Variants in ZNF462 observed in about 807,000 individuals in gnomAD.
The protein encoded by ZNF462 is zinc finger PBX1-interacting protein.
Under a neutral mutation model 201.9 loss-of-function variants are expected in ZNF462, and 10 were observed. That is an observed-to-expected ratio of 0.05 (90% CI 0.03 to 0.08). The LOEUF is 0.08. Ranked by LOEUF, ZNF462 falls within the 10% of genes least tolerant of loss-of-function variation. The pLI is 1.00. For synonymous variants in ZNF462, 1,227 were observed against 1,193.3 expected (o/e 1.03, Z -0.58); for missense variants, 2,523 against 3,168.3 (o/e 0.80, Z 4.89).
chr9:107,009,747 C>T lies in ZNF462; in HGVS notation c.7313+79C>T, dbSNP rs1232460792. 6.3e-7 allele frequency: 1 copy of T among 1,586,260 alleles called. No homozygotes were observed. The highest frequency in any genetic ancestry group is 2.3e-5 in the East Asian group (1 of 44,334). On this transcript the variant is annotated intron_variant, in intron 12 of 12. Transcript: ENST00000277225. The surrounding 1 kb of genome is among the most constrained non-coding windows in gnomAD (Gnocchi z 6.1). ...AGGGAGGGGCTCTTGTTTTGGTTCC[C>T]CTGACAGTATGTACACCCCTCTGTG... is the stretch of plus-strand genomic sequence containing the variant.
chr9:106,921,650 GTGCACACTGGATGATC>G (rs1829997127), intron 1 of ZNF462, among the ~76,000 whole-genome samples: 1 of 152,232 alleles, frequency 6.6e-6, no homozygotes, highest in Non-Finnish European at 1.5e-5. Context: ...GGGATGGGGA[GTGCACACTGGATGATC>G]TGCTTTTTTC....
Position 106,950,055 on chromosome 9 carries a change from G to A in ZNF462, c.6427+10948G>A, listed in dbSNP as rs1232196993. 6.6e-6 allele frequency among the ~76,000 whole-genome samples: 1 copy of A among 152,056 alleles called. No homozygotes were observed. The highest frequency in any genetic ancestry group is 1.5e-5 in the Non-Finnish European group (1 of 68,008). On this transcript the variant is annotated intron_variant, in intron 7 of 12. Coordinates refer to ENST00000277225, the MANE Select transcript of ZNF462 (RefSeq NM_021224.6). The surrounding 1 kb of genome is among the most constrained non-coding windows in gnomAD (Gnocchi z 4.1). ...TTTCTCCAGCATCCTGGTTTCTCTC[G>A]TCCCCTCGTCCTCTGGTTTCCAACT...
intron 1 of ZNF462, among the ~76,000 whole-genome samples, chr9:106,915,355 TAA>T (rs1829728825): frequency 6.6e-6 from 1 of 152,204 alleles, no homozygotes; most frequent in African/African-American, 2.4e-5. Flanking sequence ...CACCTGGTAA[TAA>T]AGTCTACTGT....
intron 7 of ZNF462, among the ~76,000 whole-genome samples, chr9:106,960,116 T>G (rs1218861419): frequency 6.6e-6 from 1 of 152,140 alleles, no homozygotes; most frequent in Non-Finnish European, 1.5e-5. Flanking sequence ...ATGTGGCTGC[T>G]CATTCTTGTT....
intron 10 of ZNF462, among the ~76,000 whole-genome samples, chr9:106,986,473 T>C (rs1353055358): frequency 6.6e-6 from 1 of 152,210 alleles, no homozygotes; most frequent in Admixed American, 6.5e-5. Flanking sequence ...TGAGACCCAA[T>C]ACATTCCTTA....
intron 7 of ZNF462, 144 bp downstream of exon 7, chr9:106,939,251 G>C (rs947978306): frequency 2.2e-6 from 2 of 928,428 alleles, no homozygotes; most frequent in African/African-American, 3.4e-5. Flanking sequence ...AGTTGAAATG[G>C]TGTGGAAGTT....
At chr9:106,888,283 C>T (rs1489408146) in intron 1 of ZNF462, among the ~76,000 whole-genome samples, 3 of 152,132 alleles carry the variant, frequency 2.0e-5, no homozygotes, top group Non-Finnish European at 2.9e-5. Flanking sequence ...CCTCGTGATC[C>T]GCCCACCTCG....
At chr9:106,914,304 T>C (rs1166471787) in intron 1 of ZNF462, among the ~76,000 whole-genome samples, 3 of 152,154 alleles carry the variant, frequency 2.0e-5, no homozygotes, top group Non-Finnish European at 4.4e-5. Context: ...CTCAGCACTA[T>C]TGACATTTGG....
chr9:107,007,927 G>C (rs1038109304), intron 11 of ZNF462, among the ~76,000 whole-genome samples: 2 of 152,138 alleles, frequency 1.3e-5, no homozygotes, highest in Admixed American at 1.3e-4. Flanking sequence ...TATTCCTCTT[G>C]TTGGCAATTT....
rs372522124 is a variant in ZNF462, at chr9:106,984,156, C to G, written c.6833-30C>G. On this transcript the variant is annotated intron_variant, in intron 9 of 12. Coordinates refer to ENST00000277225, the MANE Select transcript of ZNF462 (RefSeq NM_021224.6). The surrounding 1 kb of genome is among the most constrained non-coding windows in gnomAD (Gnocchi z 6.4). ...TTCTGTTTTGCCATCAGTAAAAATT[C>G]CCATCTTTCCATTCAATTTGTTTCC... is the stretch of plus-strand genomic sequence containing the variant. The G allele has an allele frequency of 2.5e-6, 4 of 1,586,892 alleles. No individual in the cohort carries two copies. In the Admixed American group the frequency reaches 5.3e-5, roughly 21 times the overall value.
Position 107,009,529 on chromosome 9 carries a change from T to C in ZNF462, c.7190-16T>C. 6.2e-7 allele frequency: 1 copy of C among 1,613,754 alleles called. No individual in the cohort carries two copies. Among genetic ancestry groups the C allele is most frequent in the Non-Finnish European group, 8.5e-7 (1 of 1,179,820 alleles). On this transcript the variant is annotated splice_polypyrimidine_tract_variant and intron_variant, in intron 11 of 12. Coordinates refer to ENST00000277225, the MANE Select transcript of ZNF462 (RefSeq NM_021224.6). This position sits in a 1 kb window ranked among gnomAD's most constrained non-coding sequence, Gnocchi z 6.1. ...TCCCACAGCACACAGGTAACACTTC[T>C]GCTTTCTCTTTGCAGAGCTGATGAG...
intron 10 of ZNF462, among the ~76,000 whole-genome samples, chr9:106,992,327 TAAG>T (rs1250144211): frequency 6.6e-6 from 1 of 152,076 alleles, no homozygotes; most frequent in Non-Finnish European, 1.5e-5. Context: ...TGGCTAAAAT[TAAG>T]AAGGCTGATA....
chr9:106,861,588 A>G (rs1168668843), upstream of ZNF462, among the ~76,000 whole-genome samples: 1 of 152,246 alleles, frequency 6.6e-6, no homozygotes, highest in Non-Finnish European at 1.5e-5. Context: ...GTCCAACTCC[A>G]AGATCCAAGA....
intron 1 of ZNF462, among the ~76,000 whole-genome samples, chr9:106,873,650 G>T (rs772594840): frequency 1.6e-4 from 24 of 152,114 alleles, no homozygotes; most frequent in Admixed American, 1.4e-3. Flanking sequence ...ATCACCATGT[G>T]CTCTATTTAG....
intron 1 of ZNF462, among the ~76,000 whole-genome samples, chr9:106,914,539 C>A (rs1301743369): frequency 2.6e-5 from 4 of 152,212 alleles, no homozygotes; most frequent in Non-Finnish European, 4.4e-5. Context: ...CATGACCAAT[C>A]TCTGTTGGTT....
rs771508355 is a variant in ZNF462, at chr9:106,993,417, GA to G, written c.7056+9009del. ...CCATCAGAACCCTCATTTTATAGGT[GA>G]TAAACACAATCTTTCCTCCTAGATC... On this transcript the variant is annotated intron_variant, in intron 10 of 12. Coordinates refer to ENST00000277225, the MANE Select transcript of ZNF462 (RefSeq NM_021224.6). This position sits in a 1 kb window ranked among gnomAD's most constrained non-coding sequence, Gnocchi z 4.0. Among the ~76,000 whole-genome samples the G allele has an allele frequency of 5.3e-4, 80 of 152,114 alleles. No homozygotes were observed. The highest frequency in any genetic ancestry group is 9.9e-4 in the Non-Finnish European group (67 of 68,014).
At chr9:106,894,997 G>A (rs914152822) in intron 1 of ZNF462, among the ~76,000 whole-genome samples, 5 of 152,014 alleles carry the variant, frequency 3.3e-5, no homozygotes, top group African/African-American at 4.8e-5. Context: ...TTAATCTGAC[G>A]CTGCTGGTCT....
chr9:106,943,180 T>C (rs995442850), intron 7 of ZNF462, among the ~76,000 whole-genome samples: 1 of 151,976 alleles, frequency 6.6e-6, no homozygotes. Context: ...GAACTTGATA[T>C]AGTCCTCCCA....
chr9:106,863,836 G>A (rs1200266223), intron 1 of ZNF462, among the ~76,000 whole-genome samples: 1 of 151,664 alleles, frequency 6.6e-6, no homozygotes, highest in Non-Finnish European at 1.5e-5. Flanking sequence ...GCGGAGGGCG[G>A]GAGGCCGGAG....
Sources: allele counts gnomAD v4.1 joint callset (sites outside exome capture counted in the v4.1 genomes callset), GRCh38; gene constraint gnomAD v4.1.1; non-coding constraint Gnocchi (gnomAD v3.1); transcripts MANE v1.5; gene names NCBI Gene and HGNC (gene_info 2026-07-23, HGNC 2026-07-21).